Variants in SOX6 observed in about 807,000 individuals in gnomAD.
SOX6 encodes transcription factor SOX-6.
Under a neutral mutation model 97.8 loss-of-function variants are expected in SOX6, and 11 were observed. The ratio of observed to expected loss-of-function variants is 0.11; its 90% CI spans 0.07 to 0.19. The LOEUF (loss-of-function observed/expected upper bound fraction) is 0.19, where lower values mean the gene tolerates loss of function less well. Among genes scored for constraint, SOX6 ranks in the 10% least tolerant of loss-of-function variants. The probability of loss-of-function intolerance (pLI) is 1.00; values close to 1 mark genes in which losing one functional copy is unlikely to be tolerated. For missense variants in SOX6, 810 were observed against 1,039.5 expected (o/e 0.78, Z 3.04); for synonymous variants, 360 against 371.4 (o/e 0.97, Z 0.35).
intron 6 of SOX6, among the ~76,000 whole-genome samples, chr11:16,153,745 A>T (rs1003180754): frequency 1.3e-5 from 2 of 152,190 alleles, no homozygotes; most frequent in Non-Finnish European, 2.9e-5. Context: ...AGAAGTGAAT[A>T]GACTAGTGAG....
At chr11:16,259,945 A>ATATGTGTGTGTGTGTGTGTG (rs3059123) in intron 3 of SOX6, among the ~76,000 whole-genome samples, 30 of 149,036 alleles carry the variant, frequency 2.0e-4, no homozygotes, top group African/African-American at 3.7e-4. Context: ...TGTCCCAAAT[A>ATATGTGTGTGTGTGTGTGTG]TGTGTGTGTG....
intron 13 of SOX6, among the ~76,000 whole-genome samples, chr11:15,994,031 A>C (rs1424308191): frequency 6.6e-6 from 1 of 152,214 alleles, no homozygotes; most frequent in Non-Finnish European, 1.5e-5. Flanking sequence ...TTAATTCAAT[A>C]AACACTTCTG....
At chr11:16,405,420 G>A (rs767422554) in intron 1 of SOX6, among the ~76,000 whole-genome samples, 1 of 151,948 alleles carries the variant, frequency 6.6e-6, no homozygotes. Context: ...AATTAACCAA[G>A]TACAGGTCCC....
chr11:16,538,791 T>C (rs1010012998), intron 4 of SOX6, among the ~76,000 whole-genome samples: 2 of 152,212 alleles, frequency 1.3e-5, no homozygotes, highest in Non-Finnish European at 2.9e-5. Context: ...TAAATATATA[T>C]GCATCCAATA....
chr11:16,263,474 G>A (rs779638710), intron 3 of SOX6, among the ~76,000 whole-genome samples: 4 of 151,958 alleles, frequency 2.6e-5, no homozygotes, highest in African/African-American at 4.8e-5. Context: ...CCATTGAATA[G>A]AATCCTTGAT....
At chr11:15,975,580 G>A (rs933673116) in intron 15 of SOX6, among the ~76,000 whole-genome samples, 3 of 152,068 alleles carry the variant, frequency 2.0e-5, no homozygotes, top group African/African-American at 4.8e-5. Flanking sequence ...AATTTAAATT[G>A]AGCTCGTATT....
intron 3 of SOX6, among the ~76,000 whole-genome samples, chr11:16,241,607 T>C (rs1853196414): frequency 6.6e-6 from 1 of 152,086 alleles, no homozygotes; most frequent in Admixed American, 6.6e-5. Context: ...TTCTGACTGC[T>C]GTTGTCTTGA....
intron 9 of SOX6, among the ~76,000 whole-genome samples, chr11:16,073,915 C>A (rs759680031): frequency 6.6e-6 from 1 of 151,982 alleles, no homozygotes; most frequent in Non-Finnish European, 1.5e-5. Context: ...TACAATATAC[C>A]AGAATTTCTG....
chr11:16,488,432 T>C (rs1184230326), intron 4 of SOX6, among the ~76,000 whole-genome samples: 2 of 152,196 alleles, frequency 1.3e-5, no homozygotes, highest in African/African-American at 4.8e-5. Context: ...GGATTTGATA[T>C]ATGAAAATGC....
At chr11:16,071,644 C>T (rs1251882978) in intron 9 of SOX6, among the ~76,000 whole-genome samples, 5 of 152,202 alleles carry the variant, frequency 3.3e-5, no homozygotes, top group Non-Finnish European at 5.9e-5. Flanking sequence ...CTTGCTGATG[C>T]CTGAATTCTA....
At position 15,966,809 on chromosome 11, in the gene SOX6, A is replaced by T. The variant is rs1367989986; in HGVS notation, c.*6000T>A. 1 of 152,244 alleles carries T rather than the reference A, an allele frequency of 6.6e-6. No homozygotes were observed. The highest frequency in any genetic ancestry group is 1.5e-5 in the Non-Finnish European group (1 of 68,048). 9.4% of individuals were successfully genotyped at this position (152,244 alleles called of 1,614,324 possible). ...AAAAGTACCACTGAAAGATTATTCAATGTTGAGCTTTATCTCACGTCAATA... is the reference window on the plus strand; with the variant it reads ...AAAAGTACCACTGAAAGATTATTCATTGTTGAGCTTTATCTCACGTCAATA... On this transcript the variant is annotated 3_prime_UTR_variant, in exon 16 of 16. Transcript: ENST00000683767.
At position 16,301,152 on chromosome 11, in the gene SOX6, G is replaced by C. The variant is rs151082552; in HGVS notation, c.445+17294C>G. 6.3e-3 allele frequency among the ~76,000 whole-genome samples: 964 copies of C among 152,146 alleles called. 13 individuals are homozygous for C. Among genetic ancestry groups the C allele is most frequent in the African/African-American group, 0.021 (887 of 41,508 alleles). On this transcript the variant is annotated intron_variant, in intron 3 of 15. Transcript: ENST00000683767. Reference sequence around the variant, plus strand: ...AGCAATGTGAGAAACAAACTTATATGAAATAAGACTTAAAGAAAGAATAAT... The same window carrying C: ...AGCAATGTGAGAAACAAACTTATATCAAATAAGACTTAAAGAAAGAATAAT...
rs1163035775 is a variant in SOX6 at position 16,114,830 on chromosome 11, G to A, written c.778-2907C>T. On this transcript the variant is annotated intron_variant, in intron 6 of 15. Coordinates refer to ENST00000683767, the MANE Select transcript of SOX6 (RefSeq NM_001367873.1). ...TGAAAACATTATTTTTATATTGGTC[G>A]CCCAAGCTCTTCAGATCATGAGACA... 3.6e-5 allele frequency among the ~76,000 whole-genome samples: 5 copies of A among 138,418 alleles called. No individual in the cohort carries two copies. The East Asian group carries it at 8.1e-4, about 22-fold the overall frequency. 90.8% of individuals were successfully genotyped at this position (138,418 alleles called of 152,430 possible).
At chr11:16,363,765 T>G (rs1212179939) in intron 1 of SOX6, among the ~76,000 whole-genome samples, 1 of 151,916 alleles carries the variant, frequency 6.6e-6, no homozygotes, top group East Asian at 1.9e-4. Context: ...TTTTCTCTAA[T>G]TGGCATCAAG....
At chr11:16,535,912 ATCT>A (rs1340636218) in intron 4 of SOX6, among the ~76,000 whole-genome samples, 2 of 152,214 alleles carry the variant, frequency 1.3e-5, no homozygotes, top group Non-Finnish European at 2.9e-5. Flanking sequence ...ATCTGTCAAT[ATCT>A]TCTTCTCTCA....
At chr11:16,295,588 C>T (rs1428456318) in intron 3 of SOX6, among the ~76,000 whole-genome samples, 1 of 152,050 alleles carries the variant, frequency 6.6e-6, no homozygotes, top group Non-Finnish European at 1.5e-5. Context: ...CAAAACAGAA[C>T]TCCCTTCACA....
chr11:16,029,317 G>A (rs1313918992), intron 12 of SOX6, among the ~76,000 whole-genome samples: 2 of 152,178 alleles, frequency 1.3e-5, no homozygotes, highest in African/African-American at 2.4e-5. Context: ...ATGTGAGACC[G>A]AGAGACAGTT....
At chr11:16,376,122 A>T (rs190247146) in intron 1 of SOX6, among the ~76,000 whole-genome samples, 101 of 152,232 alleles carry the variant, frequency 6.6e-4, no homozygotes, top group African/African-American at 2.1e-3. Context: ...GCATGTGTAT[A>T]CCTATGTAAC....
chr11:16,716,167 C>T (rs1050676279), intron 2 of SOX6, among the ~76,000 whole-genome samples: 3 of 152,056 alleles, frequency 2.0e-5, no homozygotes, highest in African/African-American at 4.8e-5. Flanking sequence ...GCCTAGGAAG[C>T]GGAGGTCGCA....
Sources: gnomAD v4.1 joint callset for allele counts (sites outside exome capture counted in the v4.1 genomes callset) on GRCh38, gnomAD v4.1.1 for gene constraint, MANE v1.5 for transcripts, NCBI Gene and HGNC (gene_info 2026-07-23, HGNC 2026-07-21) for gene names.